Variants in IL33 observed in about 807,000 individuals in gnomAD.
IL33 encodes interleukin-33.
In IL33, 37 loss-of-function variants were observed where a neutral mutation model predicts 27.3. That is an observed-to-expected ratio of 1.36 (90% CI 1.04 to 1.78). IL33 has a LOEUF of 1.78. Among genes scored for constraint, IL33 ranks in the 40% most tolerant of loss-of-function variants. The probability of loss-of-function intolerance (pLI) is 0.00; values close to 1 mark genes in which losing one functional copy is unlikely to be tolerated. For missense variants in IL33, 406 were observed against 311.4 expected (o/e 1.30, Z -2.29); for synonymous variants, 132 against 102.9 (o/e 1.28, Z -1.71).
At chr9:6,216,931 G>C (rs1022266278) in intron 1 of IL33, among the ~76,000 whole-genome samples, 1 of 152,154 alleles carries the variant, frequency 6.6e-6, no homozygotes, top group Non-Finnish European at 1.5e-5. Context: ...TGGCAGTGAA[G>C]AGTTTAATTG....
At position 6,256,032 on chromosome 9, in the gene IL33, A is replaced by G. The variant is rs1271124999; in HGVS notation, c.677A>G (p.Asn226Ser). 3 of 1,613,546 alleles carry G rather than the reference A, an allele frequency of 1.9e-6. No individual in the cohort carries two copies. In the African/African-American group the frequency reaches 4.0e-5, roughly 22 times the overall value. ...AFFVLHNMHS[N>S]CVSFECKTDP... ...TTTGTCCTTCATAATATGCACTCCA[A>G]CTGTGTTTCATTTGAATGCAAGACT... Residue 226 changes from asparagine (N) to serine (S), a missense_variant, in exon 8 of 8, where the codon AAC (asparagine) becomes AGC (serine). Transcript: ENST00000682010.
intron 1 of IL33, among the ~76,000 whole-genome samples, chr9:6,237,978 C>T (rs1446112186): frequency 1.3e-5 from 2 of 152,064 alleles, no homozygotes; most frequent in African/African-American, 2.4e-5. Flanking sequence ...ATTCCAAATG[C>T]GTGATTACAA....
At chr9:6,255,912 A>C in intron 7 of IL33, 56 bp from the exon 8 acceptor site, 1 of 1,411,958 alleles carries the variant, frequency 7.1e-7, no homozygotes, top group Non-Finnish European at 1.0e-6. Flanking sequence ...AGGCAGGTAA[A>C]GTTGACTCTG....
At chr9:6,242,898 T>C (rs1411796970) in intron 2 of IL33, among the ~76,000 whole-genome samples, 4 of 152,050 alleles carry the variant, frequency 2.6e-5, no homozygotes, top group Non-Finnish European at 5.9e-5. Flanking sequence ...TTTCCACTCA[T>C]GATGGAAAGG....
intron 7 of IL33, among the ~76,000 whole-genome samples, chr9:6,254,974 G>A (rs996826484): frequency 5.9e-5 from 9 of 152,000 alleles, no homozygotes; most frequent in East Asian, 1.9e-4. Flanking sequence ...TCTAGGAAAC[G>A]TTTCTTTGTA....
intron 2 of IL33, among the ~76,000 whole-genome samples, chr9:6,249,742 G>A (rs1342488561): frequency 6.6e-6 from 1 of 152,182 alleles, no homozygotes; most frequent in African/African-American, 2.4e-5. Flanking sequence ...TCTTGGGCAA[G>A]TGTCATGACT....
chr9:6,227,971 G>T (rs968733094), intron 1 of IL33, among the ~76,000 whole-genome samples: 5 of 152,032 alleles, frequency 3.3e-5, no homozygotes, highest in African/African-American at 1.2e-4. Flanking sequence ...TTCGCTTAGG[G>T]TTTCAGCTAT....
intron 1 of IL33, among the ~76,000 whole-genome samples, chr9:6,217,734 C>A (rs1264976636): frequency 6.6e-6 from 1 of 152,212 alleles, no homozygotes; most frequent in African/African-American, 2.4e-5. Flanking sequence ...CTTTCTGCCT[C>A]CTCACAATTT....
At position 6,256,278 on chromosome 9, in the gene IL33, A is replaced by T; in HGVS notation, c.*110A>T. 1.3e-6 allele frequency: 1 copy of T among 741,208 alleles called. No individual in the cohort carries two copies. Among genetic ancestry groups the T allele is most frequent in the South Asian group, 1.8e-5 (1 of 55,904 alleles). 45.9% of individuals were successfully genotyped at this position (741,208 alleles called of 1,614,324 possible). On this transcript the variant is annotated 3_prime_UTR_variant, in exon 8 of 8. Transcript: ENST00000682010. ...CATCTAAGGGAAATGAAGAGTGCTT[A>T]GCATGTGTGGAATGTTTTCCATATT...
chr9:6,235,647 A>C (rs1161306070), intron 1 of IL33, among the ~76,000 whole-genome samples: 1 of 152,214 alleles, frequency 6.6e-6, no homozygotes, highest in Non-Finnish European at 1.5e-5. Context: ...TTCTTAGTTT[A>C]GGTAGAGTCC....
chr9:6,236,496 T>A (rs4237163), intron 1 of IL33, among the ~76,000 whole-genome samples: 60,855 of 152,024 alleles, frequency 0.4, 13,607 homozygotes, highest in Admixed American at 0.55. Flanking sequence ...TTATATGTTA[T>A]GCAATAAACA....
chr9:6,246,016 T>C (rs931301166), intron 2 of IL33, among the ~76,000 whole-genome samples: 9 of 116,098 alleles, frequency 7.8e-5, no homozygotes, highest in Non-Finnish European at 1.4e-4. Flanking sequence ...TGAGCCGAGA[T>C]CACGCCACTG....
intron 1 of IL33, among the ~76,000 whole-genome samples, chr9:6,229,502 A>G (rs1818821876): frequency 6.6e-6 from 1 of 152,242 alleles, no homozygotes; most frequent in African/African-American, 2.4e-5. Flanking sequence ...CGTGCGTTCT[A>G]TTAGACTGAG....
upstream of IL33, chr9:6,215,640 C>T (rs762222187): frequency 2.2e-4 from 34 of 152,072 alleles, no homozygotes; most frequent in African/African-American, 6.8e-4. Context: ...GGAGGGAGGA[C>T]GCAGAAAGTA....
At chr9:6,243,110 C>A (rs2130337261) in intron 2 of IL33, among the ~76,000 whole-genome samples, 1 of 152,284 alleles carries the variant, frequency 6.6e-6, no homozygotes, top group East Asian at 1.9e-4. Context: ...CAAGGCCCCA[C>A]CTCCAACAAT....
intron 2 of IL33, among the ~76,000 whole-genome samples, chr9:6,243,138 A>G (rs1167709726): frequency 6.6e-6 from 1 of 152,200 alleles, no homozygotes; most frequent in Non-Finnish European, 1.5e-5. Flanking sequence ...AAATTTCAAC[A>G]GGAGACTTGG....
Position 6,253,568 on chromosome 9 carries a change from T to TTA in IL33, c.487_488dup (p.Tyr164ThrfsTer20). On this transcript the variant is annotated frameshift_variant, in exon 6 of 8. Transcript: ENST00000682010. LOFTEE classifies it high-confidence loss of function. ...CTCTTTCAGATAAGGTGTTACTGAG[T>TTA]TACTATGAGTCTCAACACCCCTCAA... 1 of 1,608,972 alleles carries TTA rather than the reference T, an allele frequency of 6.2e-7. No individual in the cohort carries two copies. The highest frequency in any genetic ancestry group is 8.5e-7 in the Non-Finnish European group (1 of 1,176,724).
chr9:6,248,403 C>T (rs1167751680), intron 2 of IL33, among the ~76,000 whole-genome samples: 1 of 151,796 alleles, frequency 6.6e-6, no homozygotes, highest in African/African-American at 2.4e-5. Context: ...CTGCTGTTAT[C>T]ATGGGAGTGG....
chr9:6,254,310 A>G (rs550872474), intron 6 of IL33, 152 bp from the exon 7 acceptor site: 1 of 470,222 alleles, frequency 2.1e-6, no homozygotes, highest in South Asian at 4.7e-5. Flanking sequence ...GTGCCTCTTG[A>G]ACTTGGGTAC....
Sources: gnomAD v4.1 joint callset for allele counts (sites outside exome capture counted in the v4.1 genomes callset) on GRCh38, gnomAD v4.1.1 for gene constraint, MANE v1.5 for transcripts, NCBI Gene and HGNC (gene_info 2026-07-23, HGNC 2026-07-21) for gene names.